Variants in ST6GAL1 observed in about 807,000 individuals in gnomAD.
ST6GAL1 encodes the protein beta-galactoside alpha-2,6-sialyltransferase 1.
Under a neutral mutation model 38.0 loss-of-function variants are expected in ST6GAL1, and 20 were observed. The ratio of observed to expected loss-of-function variants is 0.53; its 90% CI spans 0.37 to 0.77. The LOEUF is 0.77. ST6GAL1 is among the 30% of genes least tolerant of loss of function. The pLI is 0.00. For missense variants in ST6GAL1, 432 were observed against 496.4 expected (o/e 0.87, Z 1.23); for synonymous variants, 196 against 188.2 (o/e 1.04, Z -0.34).
intron 1 of ST6GAL1, among the ~76,000 whole-genome samples, chr3:186,936,939 CAAAA>C (rs60914982): frequency 2.3e-5 from 2 of 87,960 alleles, no homozygotes; most frequent in Non-Finnish European, 2.2e-5. Context: ...AAGACTGTCT[CAAAA>C]AAAAAAAAAA....
intron 2 of ST6GAL1, among the ~76,000 whole-genome samples, chr3:187,008,326 AAAGG>A (rs1410697133): frequency 6.6e-6 from 1 of 151,920 alleles, no homozygotes; most frequent in Non-Finnish European, 1.5e-5. Context: ...AAAAGAGAAG[AAAGG>A]AAGGACTCAA....
At chr3:187,070,482 TG>T (rs1305800583) in intron 5 of ST6GAL1, among the ~76,000 whole-genome samples, 4 of 143,914 alleles carry the variant, frequency 2.8e-5, no homozygotes, top group Non-Finnish European at 4.5e-5. Flanking sequence ...TGGAGTGCAG[TG>T]GTGCAATCTT....
At chr3:187,009,485 A>G (rs1716886084) in intron 2 of ST6GAL1, among the ~76,000 whole-genome samples, 1 of 152,032 alleles carries the variant, frequency 6.6e-6, no homozygotes, top group South Asian at 2.1e-4. Context: ...TTAAAACTTT[A>G]TCTGAGTGTG....
intron 5 of ST6GAL1, among the ~76,000 whole-genome samples, chr3:187,062,492 A>G (rs901661616): frequency 1.3e-5 from 2 of 152,034 alleles, no homozygotes; most frequent in Non-Finnish European, 2.9e-5. Flanking sequence ...ATAAAATATT[A>G]TTCTAAAAAA....
At chr3:186,957,500 TCA>T (rs1391941817) in intron 1 of ST6GAL1, among the ~76,000 whole-genome samples, 1 of 151,130 alleles carries the variant, frequency 6.6e-6, no homozygotes, top group East Asian at 1.9e-4. Flanking sequence ...AAGCCCAACA[TCA>T]GAATAGTAAG....
chr3:186,960,871 A>T (rs1003520565), intron 1 of ST6GAL1, among the ~76,000 whole-genome samples: 2 of 151,186 alleles, frequency 1.3e-5, no homozygotes, highest in African/African-American at 4.9e-5. Context: ...CTGGGCCTGC[A>T]TGGTGTCCTG....
rs781173086 is a variant in ST6GAL1, at chr3:187,075,313, A to T, written c.980-249A>T. Among the ~76,000 whole-genome samples, 18 of 152,198 alleles carry T rather than the reference A, an allele frequency of 1.2e-4. No homozygotes were observed. The highest frequency in any genetic ancestry group is 2.1e-4 in the Non-Finnish European group (14 of 68,034). ...ATCTACTAGCATTTAGGGAGGATCT[A>T]TTATTCACCAGGCCCTGGCCTAGGT... On this transcript the variant is annotated intron_variant, in intron 7 of 7. Transcript: ENST00000169298. This position sits in a 1 kb window ranked among gnomAD's most constrained non-coding sequence, Gnocchi z 4.1.
At position 187,028,285 on chromosome 3, in the gene ST6GAL1, T is replaced by C. The variant is rs929319178; in HGVS notation, c.-182-10457T>C. Among the ~76,000 whole-genome samples the C allele has an allele frequency of 2.6e-5, 4 of 152,204 alleles. No individual in the cohort carries two copies. The East Asian group carries it at 7.7e-4, about 29-fold the overall frequency. On this transcript the variant is annotated intron_variant, in intron 2 of 7. Transcript: ENST00000169298. ...AATATATGACTTCTCTAAAGTCATA[T>C]ATCTTTTAGTTAATTCCTTGAGTAA...
intron 5 of ST6GAL1, among the ~76,000 whole-genome samples, chr3:187,054,503 C>G (rs1251149347): frequency 1.3e-5 from 2 of 152,180 alleles, no homozygotes; most frequent in South Asian, 2.1e-4. Context: ...GAGTTTTTAG[C>G]ATGAAGGGCT....
At position 187,077,840 on chromosome 3, in the gene ST6GAL1, G is replaced by A. The variant is rs1316857589; in HGVS notation, c.*2037G>A. On this transcript the variant is annotated 3_prime_UTR_variant, in exon 8 of 8. Coordinates refer to ENST00000169298, the MANE Select transcript of ST6GAL1 (RefSeq NM_173216.2). ...CTCAGGGAATTAACTGTCTTATTGG[G>A]AGACAACAACTGTCCTCCTTGGAAC... 1 of 152,440 alleles carries A rather than the reference G, an allele frequency of 6.6e-6. No homozygotes were observed. Among genetic ancestry groups the A allele is most frequent in the Non-Finnish European group, 1.5e-5 (1 of 68,134 alleles). The allele number at this position is 152,440 out of a possible 1,614,324, so 9.4% of individuals were successfully genotyped here. A position where few individuals can be genotyped will look rare whatever the true frequency, so the allele number is the denominator to read the frequency against.
intron 2 of ST6GAL1, among the ~76,000 whole-genome samples, chr3:186,981,432 A>G (rs1184144602): frequency 6.6e-6 from 1 of 152,196 alleles, no homozygotes; most frequent in African/African-American, 2.4e-5. Flanking sequence ...ATTTGCTTTA[A>G]CAGAGGGATG....
Position 187,043,264 on chromosome 3 carries a change from G to A in ST6GAL1, c.561G>A (p.Val187=). 6.2e-7 allele frequency: 1 copy of A among 1,614,186 alleles called. No individual in the cohort carries two copies. Among genetic ancestry groups the A allele is most frequent in the Non-Finnish European group, 8.5e-7 (1 of 1,180,024 alleles). The change falls in exon 4 of 8, where the codon GTG becomes GTA. Residue 187 remains valine (V), a synonymous_variant. Transcript: ENST00000169298. ...KAGPWGRCAV[V]SSAGSLKSSQ... is the part of the protein sequence containing the mutation. ...GGCCTTGGGGCAGGTGTGCTGTTGT[G>A]TCGTCAGCGGGATCTCTGAAGTCCT... is the stretch of plus-strand genomic sequence containing the variant.
chr3:186,999,235 C>T (rs529974256), intron 2 of ST6GAL1, among the ~76,000 whole-genome samples: 2 of 150,216 alleles, frequency 1.3e-5, no homozygotes, highest in Non-Finnish European at 2.9e-5. Flanking sequence ...TAACACCACT[C>T]GCCTCGTAGA....
At chr3:186,965,261 T>G (rs1228789877) in intron 2 of ST6GAL1, among the ~76,000 whole-genome samples, 2 of 152,194 alleles carry the variant, frequency 1.3e-5, no homozygotes, top group Non-Finnish European at 2.9e-5. Context: ...ATGCAGGACA[T>G]AAGAGCCAGA....
chr3:186,965,954 A>G (rs1176755472), intron 2 of ST6GAL1, among the ~76,000 whole-genome samples: 1 of 152,188 alleles, frequency 6.6e-6, no homozygotes, highest in African/African-American at 2.4e-5. Context: ...GCTGCAGTAC[A>G]GTGGTGCGAT....
At chr3:187,051,078 A>G (rs1282419565) in intron 4 of ST6GAL1, among the ~76,000 whole-genome samples, 171 bp from the exon 5 acceptor site, 2 of 152,168 alleles carry the variant, frequency 1.3e-5, no homozygotes, top group African/African-American at 4.8e-5. Context: ...ATCTCTGCCT[A>G]GGAGCTTTAC....
At chr3:187,005,823 A>C (rs16861456) in intron 2 of ST6GAL1, among the ~76,000 whole-genome samples, 12,111 of 152,162 alleles carry the variant, frequency 0.08, 566 homozygotes, top group Middle Eastern at 0.14. Flanking sequence ...AGAAAGTGCT[A>C]CTAGAATATG....
At position 186,937,012 on chromosome 3, in the gene ST6GAL1, CAT is replaced by C. The variant is rs1166798515; in HGVS notation, c.-325+6180_-325+6181del. Among the ~76,000 whole-genome samples, 16 of 142,832 alleles carry C rather than the reference CAT, an allele frequency of 1.1e-4. 1 individual carries two copies. Among genetic ancestry groups the C allele is most frequent in the African/African-American group, 3.3e-4 (13 of 39,170 alleles). 93.7% of individuals were successfully genotyped at this position (142,832 alleles called of 152,430 possible). A position where few individuals can be genotyped will look rare whatever the true frequency, so the allele number is the denominator to read the frequency against. ...ATTTGGAAAGTACTGTACAAAAAAA[CAT>C]AGAGAAACAGAAAAAAATTCCGCTA... On this transcript the variant is annotated intron_variant, in intron 1 of 7. Coordinates refer to ENST00000169298, the MANE Select transcript of ST6GAL1 (RefSeq NM_173216.2).
intron 2 of ST6GAL1, among the ~76,000 whole-genome samples, chr3:187,022,227 C>G (rs1717341008): frequency 6.6e-6 from 1 of 152,148 alleles, no homozygotes. Context: ...GGACACCAAG[C>G]TGGTGTCGCT....
Sources: gnomAD v4.1 joint callset for allele counts (sites outside exome capture counted in the v4.1 genomes callset) on GRCh38, gnomAD v4.1.1 for gene constraint, Gnocchi (gnomAD v3.1) non-coding constraint, MANE v1.5 for transcripts, NCBI Gene and HGNC (gene_info 2026-07-23, HGNC 2026-07-21) for gene names.